AMOTL1: variants seen among roughly 807,000 people sequenced by gnomAD.
AMOTL1 encodes angiomotin-like protein 1.
Under a neutral mutation model 102.9 loss-of-function variants are expected in AMOTL1, and 45 were observed. The observed-to-expected ratio is 0.44, with a 90% CI of 0.34 to 0.56. AMOTL1 has a LOEUF of 0.56. Among genes scored for constraint, AMOTL1 ranks in the 20% least tolerant of loss-of-function variants. The pLI is 0.01. For missense variants in AMOTL1, 1,114 were observed against 1,225.6 expected, an observed-to-expected ratio of 0.91 and a Z score of 1.36; for synonymous variants, 481 against 484.7, an observed-to-expected ratio of 0.99 and a Z score of 0.10.
chr11:94,742,840 A>G (rs1282563476), intron 3 of AMOTL1, among the ~76,000 whole-genome samples: 10 of 152,112 alleles, frequency 6.6e-5, no homozygotes, highest in Non-Finnish European at 1.2e-4. Context: ...ATAGATGTCT[A>G]TCTTCTCACT....
intron 11 of AMOTL1, among the ~76,000 whole-genome samples, chr11:94,867,055 C>A (rs1952899162): frequency 6.6e-6 from 1 of 152,132 alleles, no homozygotes; most frequent in African/African-American, 2.4e-5. Flanking sequence ...TTCCCCACAT[C>A]AGATCGTGTT....
At chr11:94,824,902 GCCTATGCATA>G (rs1386024830) in intron 4 of AMOTL1, among the ~76,000 whole-genome samples, 2 of 152,174 alleles carry the variant, frequency 1.3e-5, no homozygotes, top group East Asian at 1.9e-4. Context: ...GCAGAATTTA[GCCTATGCATA>G]CTGTGCCAGG....
At chr11:94,816,997 A>G (rs1188328252) in intron 3 of AMOTL1, among the ~76,000 whole-genome samples, 2 of 152,342 alleles carry the variant, frequency 1.3e-5, no homozygotes, top group Admixed American at 1.3e-4. Flanking sequence ...TCTGTGTCAG[A>G]TGAACACAAT....
intron 1 of AMOTL1, among the ~76,000 whole-genome samples, chr11:94,718,308 A>G (rs73525861): frequency 0.023 from 3,462 of 152,102 alleles, 126 homozygotes; most frequent in African/African-American, 0.08. Flanking sequence ...GAGATTTACA[A>G]TATAACTATA....
intron 2 of AMOTL1, among the ~76,000 whole-genome samples, chr11:94,737,011 G>C (rs1950448107): frequency 6.6e-6 from 1 of 152,198 alleles, no homozygotes; most frequent in South Asian, 2.1e-4. Context: ...ATTGACTTTA[G>C]AGAATTTTCA....
intron 3 of AMOTL1, among the ~76,000 whole-genome samples, chr11:94,748,141 A>G (rs979502518): frequency 2.6e-5 from 4 of 152,232 alleles, no homozygotes; most frequent in Non-Finnish European, 1.5e-5. Context: ...CTGCTATAAC[A>G]AAGGCCAAAA....
At chr11:94,766,811 C>T (rs886528243), upstream of AMOTL1, among the ~76,000 whole-genome samples, 33 of 152,308 alleles carry the variant, frequency 2.2e-4, no homozygotes, top group Middle Eastern at 3.4e-3. Flanking sequence ...CTTCTTCATC[C>T]GGCAAGTGAA....
chr11:94,854,181 G>T (rs1418464424), intron 8 of AMOTL1, 99 bp downstream of exon 8: 29 of 1,385,738 alleles, frequency 2.1e-5, no homozygotes, highest in Non-Finnish European at 2.7e-5. Context: ...CTTGCTCCCA[G>T]GATTCAGAGG....
intron 1 of AMOTL1, among the ~76,000 whole-genome samples, chr11:94,719,152 A>AT (rs36009251): frequency 1.3e-5 from 2 of 152,020 alleles, no homozygotes; most frequent in Non-Finnish European, 2.9e-5. Context: ...TGAAATGCCA[A>AT]TTTTTTTCAT....
chr11:94,711,574 C>T (rs1373032599), intron 1 of AMOTL1, among the ~76,000 whole-genome samples: 1 of 152,090 alleles, frequency 6.6e-6, no homozygotes, highest in African/African-American at 2.4e-5. Context: ...CACTGCAAGG[C>T]TTCTTTATAC....
At chr11:94,839,887 G>A (rs1051445365) in intron 6 of AMOTL1, among the ~76,000 whole-genome samples, 4 of 152,256 alleles carry the variant, frequency 2.6e-5, no homozygotes, top group South Asian at 2.1e-4. Flanking sequence ...TTAGCCCAGC[G>A]CTGTGACTTA....
intron 6 of AMOTL1, among the ~76,000 whole-genome samples, chr11:94,834,329 T>A (rs995361173): frequency 4.6e-5 from 7 of 152,180 alleles, no homozygotes; most frequent in Admixed American, 2.0e-4. Flanking sequence ...GGCTCACGCC[T>A]GTAATCCCAG....
intron 9 of AMOTL1, 120 bp downstream of exon 9, chr11:94,859,835 T>G (rs2135728789): frequency 8.7e-7 from 1 of 1,146,216 alleles, no homozygotes; most frequent in South Asian, 2.6e-5. Context: ...CTAAAAATTA[T>G]TTTTAAGTAG....
At chr11:94,869,952 G>A (rs1335354759) in intron 12 of AMOTL1, among the ~76,000 whole-genome samples, 1 of 152,208 alleles carries the variant, frequency 6.6e-6, no homozygotes, top group Non-Finnish European at 1.5e-5. Context: ...CAGCACTTGG[G>A]CCAGGACTAA....
At chr11:94,863,240 A>T (rs903652442) in intron 9 of AMOTL1, among the ~76,000 whole-genome samples, 1 of 151,522 alleles carries the variant, frequency 6.6e-6, no homozygotes, top group Non-Finnish European at 1.5e-5. Context: ...GATAGCTGTC[A>T]TTAAAGGGGC....
intron 9 of AMOTL1, among the ~76,000 whole-genome samples, chr11:94,861,967 A>G (rs1410036717): frequency 4.6e-5 from 7 of 152,136 alleles, no homozygotes; most frequent in African/African-American, 1.7e-4. Flanking sequence ...TTCTAGGCCC[A>G]GCCTTGTTCT....
At chr11:94,808,413 T>G (rs1204278447) in intron 3 of AMOTL1, among the ~76,000 whole-genome samples, 2 of 152,252 alleles carry the variant, frequency 1.3e-5, no homozygotes, top group Non-Finnish European at 2.9e-5. Flanking sequence ...ATTACTTCAC[T>G]ACATCCTTTT....
chr11:94,767,282 A>T (rs1040258777), upstream of AMOTL1, among the ~76,000 whole-genome samples: 1 of 152,134 alleles, frequency 6.6e-6, no homozygotes, highest in African/African-American at 2.4e-5. Flanking sequence ...TAATTGTTAA[A>T]TGATTACATT....
At chr11:94,787,917 A>G (rs1951219852) in intron 1 of AMOTL1, among the ~76,000 whole-genome samples, 1 of 152,214 alleles carries the variant, frequency 6.6e-6, no homozygotes, top group African/African-American at 2.4e-5. Context: ...GCAGGAATCT[A>G]GGCAGATAGC....
Sources: allele counts gnomAD v4.1 joint callset (sites outside exome capture counted in the v4.1 genomes callset), GRCh38; gene constraint gnomAD v4.1.1; transcripts MANE v1.5; gene names NCBI Gene and HGNC (gene_info 2026-07-23, HGNC 2026-07-21).